The following PHTF2 variants were observed in gnomAD, a reference collection of about 807,000 sequenced individuals.
PHTF2 encodes protein PHTF2.
Under a neutral mutation model 101.2 loss-of-function variants are expected in PHTF2, and 60 were observed. The ratio of observed to expected loss-of-function variants is 0.59; its 90% CI spans 0.48 to 0.73. PHTF2 has a LOEUF of 0.73. Among genes scored for constraint, PHTF2 ranks in the 30% least tolerant of loss-of-function variants. The pLI is 0.00. For synonymous variants in PHTF2, 311 were observed against 307.3 expected, an observed-to-expected ratio of 1.01 and a Z score of -0.13; for missense variants, 747 against 908.7, an observed-to-expected ratio of 0.82 and a Z score of 2.29.
chr7:77,847,103 GAATA>G (rs1796366033), intron 2 of PHTF2, among the ~76,000 whole-genome samples: 1 of 152,164 alleles, frequency 6.6e-6, no homozygotes, highest in African/African-American at 2.4e-5. Flanking sequence ...CTGTATGAGA[GAATA>G]AATCTCTGTA....
intron 16 of PHTF2, among the ~76,000 whole-genome samples, chr7:77,945,029 A>G (rs1197636571): frequency 6.6e-6 from 1 of 152,238 alleles, no homozygotes. Flanking sequence ...GGGAGATCCA[A>G]CATAGGTCTA....
intron 5 of PHTF2, among the ~76,000 whole-genome samples, chr7:77,896,830 C>G (rs1800918006): frequency 6.6e-6 from 1 of 152,082 alleles, no homozygotes; most frequent in Non-Finnish European, 1.5e-5. Flanking sequence ...TGAGTTTGTC[C>G]AATGTAATTG....
exon 9 of PHTF2, chr7:77,910,347 C>A: frequency 6.2e-7 from 1 of 1,613,706 alleles, no homozygotes; most frequent in Non-Finnish European, 8.5e-7. Flanking sequence ...ACGGTACAAG[C>A]ACCTCTCACA....
At chr7:77,865,233 CTTT>C (rs879874926) in intron 3 of PHTF2, among the ~76,000 whole-genome samples, 1 of 144,942 alleles carries the variant, frequency 6.9e-6, no homozygotes. Flanking sequence ...CCTCTTTTTT[CTTT>C]TTTTTTTTAG....
chr7:77,915,192 A>G (rs1034183582), intron 9 of PHTF2, among the ~76,000 whole-genome samples: 5 of 150,498 alleles, frequency 3.3e-5, no homozygotes, highest in African/African-American at 1.2e-4. Flanking sequence ...TACAGGCGTG[A>G]GTCACCGCTC....
At position 77,932,832 on chromosome 7, in the gene PHTF2, CTG is replaced by C. The variant is rs542893078; in HGVS notation, c.1338+3508_1338+3509del. ...AATAAGCATTTACTTATGCCACACACTGTGCAAAGTAATCTAGTTGCATTATC... is the reference window on the plus strand; with the variant it reads ...AATAAGCATTTACTTATGCCACACACTGCAAAGTAATCTAGTTGCATTATC... On this transcript the variant is annotated intron_variant, in intron 12 of 19. Transcript: ENST00000416283. Among the ~76,000 whole-genome samples, 708 of 152,208 alleles carry C rather than the reference CTG, an allele frequency of 4.7e-3. 3 individuals are homozygous for C. The highest frequency in any genetic ancestry group is 6.2e-3 in the Non-Finnish European group (421 of 68,018).
intron 3 of PHTF2, among the ~76,000 whole-genome samples, chr7:77,867,354 G>A (rs1378017724): frequency 6.6e-6 from 1 of 152,142 alleles, no homozygotes; most frequent in Non-Finnish European, 1.5e-5. Context: ...AATTACTGGT[G>A]GGTAAGAGCA....
At chr7:77,857,411 G>A (rs1387783722) in intron 3 of PHTF2, among the ~76,000 whole-genome samples, 1 of 152,182 alleles carries the variant, frequency 6.6e-6, no homozygotes, top group Non-Finnish European at 1.5e-5. Flanking sequence ...GAGTAGTTCA[G>A]CCATTATCCG....
chr7:77,905,573 G>A (rs954814464), intron 7 of PHTF2, among the ~76,000 whole-genome samples: 2 of 151,934 alleles, frequency 1.3e-5, no homozygotes, highest in African/African-American at 2.4e-5. Context: ...GTCATGGCTC[G>A]CTGCAGCCTC....
chr7:77,949,015 T>C (rs1271210898), intron 16 of PHTF2, among the ~76,000 whole-genome samples: 1 of 152,194 alleles, frequency 6.6e-6, no homozygotes. Context: ...ATAATGGAAA[T>C]TGGCAACAAA....
At chr7:77,817,790 G>A (rs1258796379) in intron 1 of PHTF2, among the ~76,000 whole-genome samples, 6 of 152,038 alleles carry the variant, frequency 3.9e-5, no homozygotes, top group Admixed American at 3.9e-4. Flanking sequence ...CTTTAAATTG[G>A]ATTGTTTGTT....
intron 3 of PHTF2, among the ~76,000 whole-genome samples, chr7:77,877,393 A>G (rs1162060388): frequency 1.3e-5 from 2 of 152,132 alleles, no homozygotes; most frequent in Admixed American, 1.3e-4. Flanking sequence ...GTGAGCCACC[A>G]CGCCTGGCCA....
chr7:77,898,781 T>C (rs1390322256), intron 5 of PHTF2, among the ~76,000 whole-genome samples: 3 of 145,870 alleles, frequency 2.1e-5, no homozygotes, highest in Non-Finnish European at 4.4e-5. Flanking sequence ...GAGGTTATCT[T>C]TATTTATTTA....
chr7:77,910,314 A>G, exon 9 of PHTF2: 1 of 1,613,638 alleles, frequency 6.2e-7, no homozygotes, highest in Non-Finnish European at 8.5e-7. Context: ...CAGATAACAC[A>G]CAAGAGGGAG....
At chr7:77,885,638 T>G (rs1799774059) in intron 3 of PHTF2, among the ~76,000 whole-genome samples, 1 of 152,060 alleles carries the variant, frequency 6.6e-6, no homozygotes, top group South Asian at 2.1e-4. Context: ...AGAGATAGGG[T>G]TTCACCATGT....
chr7:77,868,322 ATTTTTTTTTTTTTT>A (rs761861776), intron 3 of PHTF2, among the ~76,000 whole-genome samples: 1 of 78,524 alleles, frequency 1.3e-5, no homozygotes, highest in Non-Finnish European at 2.3e-5. Flanking sequence ...TTAAAAAAAA[ATTTTTTTTTTTTTT>A]TTTTTTTTTT....
At chr7:77,896,459 C>G (rs1254620651) in intron 5 of PHTF2, among the ~76,000 whole-genome samples, 1 of 152,064 alleles carries the variant, frequency 6.6e-6, no homozygotes, top group African/African-American at 2.4e-5. Context: ...GAGGCTGAAC[C>G]AGGAGGATCA....
In PHTF2 at chr7:77,927,177, A is replaced by AAAAAAT. The variant is rs1554388762; in HGVS notation, c.1120-1931_1120-1930insAAAATA. On this transcript the variant is annotated intron_variant, in intron 11 of 19. Transcript: ENST00000416283. ...CATCTCAAAAAAAAAAAAAAAAAAA[A>AAAAAAT]ATATATATATATATATATACATACA... 1.7e-3 allele frequency among the ~76,000 whole-genome samples: 136 copies of AAAAAAT among 78,082 alleles called. 2 individuals are homozygous for AAAAAAT. The highest frequency in any genetic ancestry group is 2.4e-3 in the Non-Finnish European group (98 of 41,014). 51.2% of individuals were successfully genotyped at this position (78,082 alleles called of 152,430 possible). A position where few individuals can be genotyped will look rare whatever the true frequency, so the allele number is the denominator to read the frequency against.
At chr7:77,881,618 A>C (rs1484275969) in intron 3 of PHTF2, among the ~76,000 whole-genome samples, 1 of 151,482 alleles carries the variant, frequency 6.6e-6, no homozygotes, top group Non-Finnish European at 1.5e-5. Context: ...TAATCTGCTC[A>C]CCTCGGCCTC....
Sources: allele counts gnomAD v4.1 joint callset (sites outside exome capture counted in the v4.1 genomes callset), GRCh38; gene constraint gnomAD v4.1.1; transcripts MANE v1.5; gene names NCBI Gene and HGNC (gene_info 2026-07-23, HGNC 2026-07-21).